R3HDM4: variants seen among roughly 807,000 people sequenced by gnomAD.
R3HDM4 encodes R3H domain-containing protein 4.
Under a neutral mutation model 31.3 loss-of-function variants are expected in R3HDM4, and 30 were observed. The observed-to-expected ratio is 0.96, with a 90% confidence interval of 0.72 to 1.30. The LOEUF (loss-of-function observed/expected upper bound fraction) is 1.30. Among genes scored for constraint, R3HDM4 ranks in the 50% most tolerant of loss-of-function variants. R3HDM4 has a pLI of 0.00. For synonymous variants in R3HDM4, 196 were observed against 156.6 expected (o/e 1.25, Z -1.88); for missense variants, 444 against 366.1 (o/e 1.21, Z -1.74).
In R3HDM4 at chr19:911,538, C is replaced by T. The variant is rs987244978; in HGVS notation, c.71+1549G>A. ...CTGTTTGCTGGGCCCGCCGCAGTGC[C>T]AGCTCGGTAACCCCCACCACTCGGA... On this transcript the variant is annotated intron_variant, in intron 1 of 7. Transcript: ENST00000361574. 6.6e-5 allele frequency among the ~76,000 whole-genome samples: 10 copies of T among 152,262 alleles called. No homozygotes were observed. In the South Asian group the frequency reaches 8.3e-4, roughly 13 times the overall value.
chr19:912,092 CG>C (rs1360447949), intron 1 of R3HDM4, among the ~76,000 whole-genome samples: 2 of 7,934 alleles, frequency 2.5e-4, no homozygotes, highest in Non-Finnish European at 4.6e-4. Context: ...GGCGCGGCCC[CG>C]GGGAGGTGGG....
chr19:910,161 A>G (rs977421130), intron 1 of R3HDM4, among the ~76,000 whole-genome samples: 9 of 152,044 alleles, frequency 5.9e-5, no homozygotes, highest in African/African-American at 2.2e-4. Flanking sequence ...CTCCGTTTCT[A>G]CTAAAAATAC....
Position 899,718 on chromosome 19 carries a change from G to A in R3HDM4, c.562-32C>T, listed in dbSNP as rs1325863229. 1.3e-6 allele frequency: 2 copies of A among 1,508,216 alleles called. No individual in the cohort carries two copies. 93.4% of individuals were successfully genotyped at this position (1,508,216 alleles called of 1,614,324 possible). A position where few individuals can be genotyped will look rare whatever the true frequency, so the allele number is the denominator to read the frequency against. The stretch of plus-strand genomic sequence containing the variant: ...AGAGCGGCCCGGTGGTCAGGGAACT[G>A]CGGGACCTGTGGGTGGGGGGCCAGG... On this transcript the variant is annotated intron_variant, in intron 5 of 7. Coordinates refer to ENST00000361574, the MANE Select transcript of R3HDM4 (RefSeq NM_138774.4). The surrounding 1 kb of genome is among the most constrained non-coding windows in gnomAD (Gnocchi z 6.8).
At chr19:903,999 C>G (rs1407836892) in intron 1 of R3HDM4, among the ~76,000 whole-genome samples, 1 of 151,634 alleles carries the variant, frequency 6.6e-6, no homozygotes, top group Non-Finnish European at 1.5e-5. Flanking sequence ...TGCAGTGAGC[C>G]GAGATCGTGC....
rs773787621 is a variant in R3HDM4, at chr19:900,085, G to A, written c.537C>T (p.Val179=). ...FQRISRRLRA[V]LKRSRIPMET... ...CCATGGGGATGCGGCTGCGCTTGAG[G>A]ACGGCTCGCAGACGCCGGCTGATGC... Residue 179 remains valine (V), a synonymous_variant, in exon 5 of 8, where the codon GTC becomes GTT. Coordinates refer to ENST00000361574, the MANE Select transcript of R3HDM4 (RefSeq NM_138774.4). 8.1e-6 allele frequency: 13 copies of A among 1,610,710 alleles called. No homozygotes were observed. The highest frequency in any genetic ancestry group is 2.7e-5 in the African/African-American group (2 of 74,750).
chr19:910,408 C>T (rs895353600), intron 1 of R3HDM4, among the ~76,000 whole-genome samples: 1 of 151,862 alleles, frequency 6.6e-6, no homozygotes, highest in Non-Finnish European at 1.5e-5. Flanking sequence ...CGCCTGAGCC[C>T]GCAGGTGGAG....
Position 907,193 on chromosome 19 carries a change from G to C in R3HDM4, c.72-5063C>G, listed in dbSNP as rs1451744164. Among the ~76,000 whole-genome samples, 2 of 152,194 alleles carry C rather than the reference G, an allele frequency of 1.3e-5. No individual in the cohort carries two copies. Among genetic ancestry groups the C allele is most frequent in the Non-Finnish European group, 2.9e-5 (2 of 68,028 alleles). ...TGCTGCAAAGAGGGCAGCTGGAGAA[G>C]GAGGTGGTGGACCATGCCCTCAGCA... On this transcript the variant is annotated intron_variant, in intron 1 of 7. Transcript: ENST00000361574. The surrounding 1 kb of genome is among the most constrained non-coding windows in gnomAD (Gnocchi z 4.1).
chr19:899,348 G>T lies in R3HDM4; in HGVS notation c.703+92C>A. 22 of 1,201,462 alleles carry T rather than the reference G, an allele frequency of 1.8e-5. No homozygotes were observed. Among genetic ancestry groups the T allele is most frequent in the Non-Finnish European group, 2.4e-5 (20 of 821,570 alleles). The allele number at this position is 1,201,462 out of a possible 1,614,324, so 74.4% of individuals were successfully genotyped here. A position where few individuals can be genotyped will look rare whatever the true frequency, so the allele number is the denominator to read the frequency against. On this transcript the variant is annotated intron_variant, in intron 7 of 7. Transcript: ENST00000361574. This position sits in a 1 kb window ranked among gnomAD's most constrained non-coding sequence, Gnocchi z 6.8. ...GCCCCCTTCCCCACCTCCCCACCAA[G>T]CCCCACTCTGAGGAACCAGGCCCCT...
rs2036837510 is a variant in R3HDM4, at chr19:901,535, G to C, written c.238C>G (p.Leu80Val). The part of the protein sequence containing the change: ...LQRLENTQYL[L>V]TLLETDGGLP... Reference sequence around the variant, plus strand: ...CCCCCGTCTGTCTCCAGCAGGGTCAGGAGGTACTGGGCTAGGTGGAAACAG... The same window carrying C: ...CCCCCGTCTGTCTCCAGCAGGGTCACGAGGTACTGGGCTAGGTGGAAACAG... Residue 80 changes from leucine to valine, a missense_variant, in exon 3 of 8, where the codon CTG (leucine) becomes GTG (valine). Leu to Val is a conservative substitution (Grantham distance 32). Transcript: ENST00000361574. 6.2e-7 allele frequency: 1 copy of C among 1,605,694 alleles called. No homozygotes were observed. The highest frequency in any genetic ancestry group is 1.3e-5 in the African/African-American group (1 of 74,886).
At chr19:898,897 G>C (rs113209450) in intron 7 of R3HDM4, among the ~76,000 whole-genome samples, 6 of 152,170 alleles carry the variant, frequency 3.9e-5, no homozygotes, top group Non-Finnish European at 5.9e-5. Flanking sequence ...AACTCCAGGC[G>C]GGGCGGCAGA....
At chr19:902,366 G>A in intron 1 of R3HDM4, 1 of 524,678 alleles carries the variant, frequency 1.9e-6, no homozygotes, top group East Asian at 3.2e-5. Flanking sequence ...TCCCAGCATT[G>A]TGGGAGGCTG....
intron 1 of R3HDM4, among the ~76,000 whole-genome samples, chr19:911,375 T>C (rs745316119): frequency 1.3e-5 from 2 of 151,808 alleles, no homozygotes; most frequent in Non-Finnish European, 2.9e-5. Context: ...ACCCAGGAGG[T>C]GGAGGTTGCA....
At chr19:908,317 C>T (rs2036931334) in intron 1 of R3HDM4, among the ~76,000 whole-genome samples, 2 of 151,988 alleles carry the variant, frequency 1.3e-5, no homozygotes, top group Admixed American at 1.3e-4. Context: ...ATCAAAATCC[C>T]CATGCCTGGC....
Position 899,536 on chromosome 19 carries a change from C to T in R3HDM4, c.648-41G>A, listed in dbSNP as rs776820439. ...AGTGAGCGCCGTGCAGGGGCTGCAG[C>T]GTGGGGTGTCCGCCCACCTGGCCGC... On this transcript the variant is annotated intron_variant, in intron 6 of 7. Coordinates refer to ENST00000361574, the MANE Select transcript of R3HDM4 (RefSeq NM_138774.4). This position sits in a 1 kb window ranked among gnomAD's most constrained non-coding sequence, Gnocchi z 6.8. The T allele has an allele frequency of 3.1e-6, 5 of 1,612,880 alleles. No homozygotes were observed. Among genetic ancestry groups the T allele is most frequent in the South Asian group, 2.2e-5 (2 of 91,060 alleles).
Position 900,141 on chromosome 19 carries a change from G to C in R3HDM4, c.481C>G (p.Pro161Ala). ...GRGEDRRREDPAYTPRECFQR... is the reference protein window; with the variant it reads ...GRGEDRRREDAAYTPRECFQR... The stretch of plus-strand genomic sequence containing the variant: ...AAGCACTCGCGGGGTGTATAGGCGG[G>C]GTCCTCTGCAGGAGTGGGGGAACAA... The change falls in exon 5 of 8, where the codon CCC (proline) becomes GCC (alanine). Residue 161 changes from proline (P) to alanine (A), a missense_variant. Pro to Ala is a conservative substitution (Grantham distance 27). Coordinates refer to ENST00000361574, the MANE Select transcript of R3HDM4 (RefSeq NM_138774.4). 6.3e-7 allele frequency: 1 copy of C among 1,577,336 alleles called. No individual in the cohort carries two copies. The highest frequency in any genetic ancestry group is 1.8e-5 in the Admixed American group (1 of 55,052).
chr19:913,054 G>GC lies in R3HDM4; in HGVS notation c.71+32_71+33insG. 1 of 789,690 alleles carries GC rather than the reference G, an allele frequency of 1.3e-6. No individual in the cohort carries two copies. The highest frequency in any genetic ancestry group is 1.6e-6 in the Non-Finnish European group (1 of 641,576). The allele number at this position is 789,690 out of a possible 1,614,324, so 48.9% of individuals were successfully genotyped here. A position where few individuals can be genotyped will look rare whatever the true frequency, so the allele number is the denominator to read the frequency against. The stretch of plus-strand genomic sequence containing the variant: ...AGGGGAGGGAGCCCAGCCCGCCCCC[G>GC]GCGCCCGCCGCGCCCCGCCCGCCCG... On this transcript the variant is annotated intron_variant, in intron 1 of 7. Coordinates refer to ENST00000361574, the MANE Select transcript of R3HDM4 (RefSeq NM_138774.4). The surrounding 1 kb of genome is among the most constrained non-coding windows in gnomAD (Gnocchi z 5.0).
At position 901,968 on chromosome 19, in the gene R3HDM4, C is replaced by A; in HGVS notation, c.226+8G>T. 6.2e-7 allele frequency: 1 copy of A among 1,613,468 alleles called. No homozygotes were observed. The highest frequency in any genetic ancestry group is 8.5e-7 in the Non-Finnish European group (1 of 1,180,002). ...GCCCCCAGGAGGCGCCTCCCGACCC[C>A]TGCTCACTGTTCTCCAGGCGCTGGA... is the stretch of plus-strand genomic sequence containing the variant. On this transcript the variant is annotated splice_region_variant and intron_variant, in intron 2 of 7. Transcript: ENST00000361574.
intron 7 of R3HDM4, among the ~76,000 whole-genome samples, chr19:898,451 T>G (rs1328501600): frequency 6.9e-6 from 1 of 144,980 alleles, no homozygotes; most frequent in Non-Finnish European, 1.5e-5. Context: ...AAATACAAAA[T>G]TAGCCGGGCG....
Position 897,384 on chromosome 19 carries a change from CGGAGGGCTTGATGG to C in R3HDM4, c.*39_*52del, listed in dbSNP as rs2036752422. On this transcript the variant is annotated 3_prime_UTR_variant, in exon 8 of 8. Transcript: ENST00000361574. ...TGAAAGATATTTTAGCCGAAGGTAT[CGGAGGGCTTGATGG>C]CTGGGCGAGGTGGCAGCGGGGTCTC... 2.2e-6 allele frequency: 3 copies of C among 1,333,956 alleles called. No individual in the cohort carries two copies. The highest frequency in any genetic ancestry group is 3.1e-6 in the Non-Finnish European group (3 of 965,258). The allele number at this position is 1,333,956 out of a possible 1,614,324, so 82.6% of individuals were successfully genotyped here.
Sources: allele counts gnomAD v4.1 joint callset (sites outside exome capture counted in the v4.1 genomes callset), GRCh38; gene constraint gnomAD v4.1.1; non-coding constraint Gnocchi (gnomAD v3.1); transcripts MANE v1.5; gene names NCBI Gene and HGNC (gene_info 2026-07-23, HGNC 2026-07-21).